CLDN16: variants seen among roughly 807,000 people sequenced by gnomAD.
The protein encoded by CLDN16 is claudin-16.
In CLDN16, 13 loss-of-function variants were observed where a neutral mutation model predicts 24.6. The ratio of observed to expected loss-of-function variants is 0.53; its 90% CI spans 0.34 to 0.84. The LOEUF (loss-of-function observed/expected upper bound fraction) is 0.84. CLDN16 is among the 40% of genes least tolerant of loss of function. The probability of loss-of-function intolerance (pLI) is 0.01; values close to 1 mark genes in which losing one functional copy is unlikely to be tolerated. For synonymous variants in CLDN16, 116 were observed against 106.7 expected (o/e 1.09, Z -0.54); for missense variants, 298 against 292.7 (o/e 1.02, Z -0.13).
At chr3:190,387,447 A>G (rs1718531616), upstream of CLDN16, among the ~76,000 whole-genome samples, 1 of 152,092 alleles carries the variant, frequency 6.6e-6, no homozygotes, top group African/African-American at 2.4e-5. Context: ...TCATGTTAAT[A>G]TTTTCCATTT....
At chr3:190,313,044 A>G in the CLDN16 span, 3 of 1,614,152 alleles carry the variant, frequency 1.9e-6, no homozygotes, top group South Asian at 1.1e-5. Flanking sequence ...TGCCTGGCAG[A>G]AAACATTTTA....
chr3:190,402,962 A>G (rs1304752944), intron 2 of CLDN16, among the ~76,000 whole-genome samples: 1 of 152,068 alleles, frequency 6.6e-6, no homozygotes, highest in African/African-American at 2.4e-5. Context: ...GGAAGAAAAA[A>G]CCAACACATG....
At chr3:190,309,623 G>A in the CLDN16 span, among the ~76,000 whole-genome samples, 1 of 152,174 alleles carries the variant, frequency 6.6e-6, no homozygotes, top group Non-Finnish European at 1.5e-5. Context: ...TATTAAGAAA[G>A]ATGACCTTTG....
chr3:190,344,648 A>C (rs1237432373), intron 1 of CLDN16, among the ~76,000 whole-genome samples: 1 of 152,046 alleles, frequency 6.6e-6, no homozygotes, highest in East Asian at 1.9e-4. Context: ...GAATTAAATC[A>C]CTAAATTTTC....
chr3:190,403,575 T>C (rs938654723), intron 2 of CLDN16, among the ~76,000 whole-genome samples: 5 of 152,150 alleles, frequency 3.3e-5, no homozygotes, highest in African/African-American at 1.2e-4. Flanking sequence ...ATAAGGCAAC[T>C]TCTTTTCTCA....
the CLDN16 span, chr3:190,306,464 T>A: frequency 6.6e-6 from 1 of 152,174 alleles, no homozygotes; most frequent in African/African-American, 2.4e-5. Flanking sequence ...TTTCCCTTAG[T>A]ATAGCACTTT....
At chr3:190,322,003 G>A (rs750708776), upstream of CLDN16, 2 of 1,614,192 alleles carry the variant, frequency 1.2e-6, no homozygotes, top group Non-Finnish European at 1.7e-6. Flanking sequence ...TCAGCAAGGA[G>A]TCAAAGACTT....
the CLDN16 span, among the ~76,000 whole-genome samples, chr3:190,316,052 G>A: frequency 1.3e-5 from 2 of 152,178 alleles, no homozygotes; most frequent in Non-Finnish European, 2.9e-5. Flanking sequence ...CATCTACAAA[G>A]TGTTCTTTCC....
Position 190,322,650 on chromosome 3 carries a change from C to A in CLDN16, n.110C>A, listed in dbSNP as rs55641411. The A allele has an allele frequency of 0.1, 25,539 of 250,592 alleles. 1,634 individuals carry two copies. Among genetic ancestry groups the A allele is most frequent in the East Asian group, 0.22 (1,779 of 8,270 alleles). 15.5% of individuals were successfully genotyped at this position (250,592 alleles called of 1,614,324 possible). ...TCCCTGCTCGCTTTCTCTCGTGGAT[C>A]TTCTCGCTCCTGTAAGGCGTTTCAC... On this transcript the variant is annotated non_coding_transcript_exon_variant, in exon 1 of 5. Coordinates refer to the CLDN16 transcript ENST00000468220.
chr3:190,300,294 T>C, the CLDN16 span, among the ~76,000 whole-genome samples: 1 of 152,186 alleles, frequency 6.6e-6, no homozygotes. Flanking sequence ...TAGGAAGTGA[T>C]CATTGCTGCC....
intron 1 of CLDN16, among the ~76,000 whole-genome samples, chr3:190,343,437 A>C (rs977345064): frequency 6.6e-6 from 1 of 152,148 alleles, no homozygotes; most frequent in African/African-American, 2.4e-5. Context: ...TGATCCAGCA[A>C]TATCTCTTTT....
intron 1 of CLDN16, among the ~76,000 whole-genome samples, chr3:190,362,125 TCCTCTTTTTCACCTATTAAA>T (rs1469812497): frequency 6.6e-6 from 1 of 151,608 alleles, no homozygotes; most frequent in Non-Finnish European, 1.5e-5. Flanking sequence ...TTTCTGGGAC[TCCTCTTTTTCACCTATTAAA>T]CCTCTGCTCT....
At chr3:190,308,201 G>C in the CLDN16 span, 1 of 1,539,222 alleles carries the variant, frequency 6.5e-7, no homozygotes, top group African/African-American at 1.4e-5. Context: ...AAATTCTAAG[G>C]TCCTAATGTT....
At chr3:190,317,755 G>C (rs765127629), upstream of CLDN16, among the ~76,000 whole-genome samples, 2 of 152,208 alleles carry the variant, frequency 1.3e-5, no homozygotes, top group Non-Finnish European at 2.9e-5. Context: ...CTTGTATACA[G>C]AAAGTCAACC....
intron 3 of CLDN16, among the ~76,000 whole-genome samples, chr3:190,407,465 T>C (rs1719135270): frequency 6.6e-6 from 1 of 152,200 alleles, no homozygotes; most frequent in African/African-American, 2.4e-5. Flanking sequence ...TTCTTGTAAT[T>C]GCCTTCTGCT....
intron 1 of CLDN16, among the ~76,000 whole-genome samples, chr3:190,366,001 A>G (rs1718014765): frequency 6.6e-6 from 1 of 151,848 alleles, no homozygotes; most frequent in Non-Finnish European, 1.5e-5. Context: ...TTACAACCAG[A>G]GAGGATTCAT....
intron 1 of CLDN16, among the ~76,000 whole-genome samples, chr3:190,349,060 C>G (rs1165557993): frequency 6.6e-6 from 1 of 152,176 alleles, no homozygotes; most frequent in Non-Finnish European, 1.5e-5. Flanking sequence ...TTTATCCAGT[C>G]TGTCATTGAT....
chr3:190,404,982 G>C, intron 3 of CLDN16, 56 bp downstream of exon 3: 1 of 1,550,708 alleles, frequency 6.4e-7, no homozygotes, highest in Non-Finnish European at 8.9e-7. Context: ...AAGGGCTTGA[G>C]GTGAAGGAGA....
At chr3:190,294,661 T>G in the CLDN16 span, among the ~76,000 whole-genome samples, 17 of 152,118 alleles carry the variant, frequency 1.1e-4, no homozygotes, top group African/African-American at 4.1e-4. Context: ...AACAAAGCTT[T>G]TATATTTTAA....
Sources: gnomAD v4.1 joint callset for allele counts (sites outside exome capture counted in the v4.1 genomes callset) on GRCh38, gnomAD v4.1.1 for gene constraint, MANE v1.5 for transcripts, NCBI Gene and HGNC (gene_info 2026-07-23, HGNC 2026-07-21) for gene names.